The following MINDY2 variants were observed in gnomAD, a reference collection of about 807,000 sequenced individuals.
The protein encoded by MINDY2 is ubiquitin carboxyl-terminal hydrolase MINDY-2.
A neutral mutation model predicts 68.2 loss-of-function variants in MINDY2; 52 were observed. The ratio of observed to expected loss-of-function variants is 0.76; its 90% CI spans 0.61 to 0.96. The LOEUF (loss-of-function observed/expected upper bound fraction) is 0.96. Ranked by LOEUF, MINDY2 falls within the 40% of genes least tolerant of loss-of-function variation. MINDY2 has a pLI of 0.00. For synonymous variants in MINDY2, 372 were observed against 303.0 expected, an observed-to-expected ratio of 1.23 and a Z score of -2.36; for missense variants, 881 against 773.4, an observed-to-expected ratio of 1.14 and a Z score of -1.65.
At chr15:58,806,876 A>T (rs1183380839) in intron 3 of MINDY2, among the ~76,000 whole-genome samples, 1 of 152,234 alleles carries the variant, frequency 6.6e-6, no homozygotes, top group East Asian at 1.9e-4. Flanking sequence ...AGGTTGAGAA[A>T]ATATGTTGTT....
At chr15:58,841,721 C>T (rs1326545602) in intron 6 of MINDY2, among the ~76,000 whole-genome samples, 1 of 152,094 alleles carries the variant, frequency 6.6e-6, no homozygotes, top group Non-Finnish European at 1.5e-5. Flanking sequence ...TGCTTTTCAA[C>T]AGCATAACTA....
chr15:58,771,713 C>G lies in MINDY2; in HGVS notation c.318C>G (p.Tyr106Ter). Residue 106 changes from tyrosine (Y) to a stop codon, truncating the protein, a stop_gained, in exon 1 of 9, where the codon TAC (tyrosine) becomes TAG (stop). Coordinates refer to ENST00000559228, the MANE Select transcript of MINDY2 (RefSeq NM_001040450.3). LOFTEE classifies it high-confidence loss of function. The stretch of plus-strand genomic sequence containing the variant: ...CCGAGGCGCCTCTGAGAGGGCAGTA[C>G]AAGGTGACCGCCTCCCCGGAGACAG... ...AAAEAPLRGQ[Y>*]KVTASPETAV... The G allele has an allele frequency of 1.2e-6, 2 of 1,612,198 alleles. No individual in the cohort carries two copies. The highest frequency in any genetic ancestry group is 1.7e-6 in the Non-Finnish European group (2 of 1,179,744).
intron 2 of MINDY2, chr15:58,796,117 A>G (rs1902265868): frequency 2.2e-6 from 1 of 455,908 alleles, no homozygotes; most frequent in African/African-American, 2.0e-5. Flanking sequence ...TGGAGCCTCA[A>G]GGGCAGAAAA....
intron 4 of MINDY2, among the ~76,000 whole-genome samples, chr15:58,820,308 G>T (rs1484216304): frequency 6.6e-6 from 1 of 151,888 alleles, no homozygotes; most frequent in Non-Finnish European, 1.5e-5. Flanking sequence ...GTCAGGTGTG[G>T]TGGCGGGCGC....
At chr15:58,814,440 G>A (rs1439734524) in intron 4 of MINDY2, among the ~76,000 whole-genome samples, 5 of 151,722 alleles carry the variant, frequency 3.3e-5, no homozygotes, top group Non-Finnish European at 5.9e-5. Context: ...AGGCTGGAGT[G>A]CAGTGGCATG....
chr15:58,800,716 C>T (rs1348461330), intron 2 of MINDY2, among the ~76,000 whole-genome samples: 2 of 145,468 alleles, frequency 1.4e-5, no homozygotes, highest in East Asian at 2.0e-4. Context: ...TGTCTTTAGT[C>T]CCAGCTACTC....
intron 2 of MINDY2, among the ~76,000 whole-genome samples, chr15:58,797,976 T>C (rs1202669899): frequency 1.3e-5 from 2 of 152,220 alleles, no homozygotes; most frequent in Non-Finnish European, 2.9e-5. Context: ...GTTAATGTGC[T>C]GTCTCCATCT....
At chr15:58,838,582 A>ATTTTTTTTTTTTTT (rs780140528) in intron 6 of MINDY2, among the ~76,000 whole-genome samples, 2 of 93,076 alleles carry the variant, frequency 2.1e-5, no homozygotes, top group Admixed American at 1.4e-4. Flanking sequence ...CTTTTTAGGG[A>ATTTTTTTTTTTTTT]TTTTTTTTTT....
At chr15:58,799,805 G>A (rs1391054344) in intron 2 of MINDY2, among the ~76,000 whole-genome samples, 9 of 152,110 alleles carry the variant, frequency 5.9e-5, no homozygotes. Context: ...AAAGAAACAC[G>A]ATACCTAGGA....
chr15:58,806,940 A>T (rs1438902854), intron 3 of MINDY2, among the ~76,000 whole-genome samples: 1 of 152,222 alleles, frequency 6.6e-6, no homozygotes, highest in Non-Finnish European at 1.5e-5. Flanking sequence ...CTGCAGTATA[A>T]CAATGTTATC....
intron 6 of MINDY2, among the ~76,000 whole-genome samples, chr15:58,840,826 T>G (rs2032243582): frequency 6.9e-6 from 1 of 144,172 alleles, no homozygotes; most frequent in Admixed American, 6.9e-5. Flanking sequence ...CCAGCTAATT[T>G]TTTTTTTTTT....
intron 2 of MINDY2, among the ~76,000 whole-genome samples, chr15:58,797,226 G>C (rs1902340629): frequency 6.6e-6 from 1 of 152,178 alleles, no homozygotes; most frequent in South Asian, 2.1e-4. Flanking sequence ...GATTAATTTT[G>C]CCAGGTGTGA....
chr15:58,841,268 C>T (rs2032269500), intron 6 of MINDY2, among the ~76,000 whole-genome samples: 1 of 151,992 alleles, frequency 6.6e-6, no homozygotes, highest in South Asian at 2.1e-4. Flanking sequence ...CAGGCATGAG[C>T]CACTGCACTG....
chr15:58,818,643 G>A (rs904437731), intron 4 of MINDY2, among the ~76,000 whole-genome samples: 2 of 145,814 alleles, frequency 1.4e-5, no homozygotes, highest in Admixed American at 6.9e-5. Context: ...TTTGATTTTT[G>A]TATATTGATT....
chr15:58,806,533 C>A (rs2604454), intron 3 of MINDY2, among the ~76,000 whole-genome samples: 74,875 of 151,452 alleles, frequency 0.49, 20,404 homozygotes, highest in East Asian at 0.94. Flanking sequence ...CTCTTTTAAC[C>A]GTTTTATTAA....
chr15:58,828,078 CA>C (rs762543406), intron 5 of MINDY2, among the ~76,000 whole-genome samples: 1 of 149,808 alleles, frequency 6.7e-6, no homozygotes, highest in Non-Finnish European at 1.5e-5. Context: ...ACTAAAAATA[CA>C]AAAAATTAGC....
chr15:58,840,150 T>C (rs1188208715), intron 6 of MINDY2, among the ~76,000 whole-genome samples: 1 of 152,122 alleles, frequency 6.6e-6, no homozygotes, highest in Non-Finnish European at 1.5e-5. Flanking sequence ...TATCTTTACA[T>C]ACTTTTTTAA....
chr15:58,771,628 C>T lies in MINDY2; in HGVS notation c.233C>T (p.Pro78Leu), dbSNP rs747903042. 26 of 1,612,220 alleles carry T rather than the reference C, an allele frequency of 1.6e-5. No homozygotes were observed. Among genetic ancestry groups the T allele is most frequent in the East Asian group, 2.2e-5 (1 of 44,876 alleles). ...SPAGSPEVPG[P>L]CSSSAGLDLK... Reference sequence around the variant, plus strand: ...GCGGGCTCTCCTGAGGTTCCCGGACCCTGCAGCTCCTCCGCGGGTTTGGAC... The same window carrying T: ...GCGGGCTCTCCTGAGGTTCCCGGACTCTGCAGCTCCTCCGCGGGTTTGGAC... The change falls in exon 1 of 9, where the codon CCC (proline) becomes CTC (leucine). Residue 78 changes from proline (P) to leucine (L), a missense_variant. By Grantham distance (98) the Pro-to-Leu change is moderately conservative. Transcript: ENST00000559228.
At chr15:58,819,535 C>T (rs1216777230) in intron 4 of MINDY2, among the ~76,000 whole-genome samples, 1 of 152,108 alleles carries the variant, frequency 6.6e-6, no homozygotes, top group East Asian at 1.9e-4. Flanking sequence ...TTTTTAGAGA[C>T]AGGAGTTTTG....
Sources: allele counts gnomAD v4.1 joint callset (sites outside exome capture counted in the v4.1 genomes callset), GRCh38; gene constraint gnomAD v4.1.1; transcripts MANE v1.5; gene names NCBI Gene and HGNC (gene_info 2026-07-23, HGNC 2026-07-21).